Variants in CDK19 observed in about 807,000 individuals in gnomAD.
CDK19 encodes the protein cyclin dependent kinase 19.
In CDK19, 20 loss-of-function variants were observed where a neutral mutation model predicts 68.3. That is an observed-to-expected ratio of 0.29 (90% confidence interval 0.21 to 0.43). The LOEUF (loss-of-function observed/expected upper bound fraction) is 0.43, where lower values mean the gene tolerates loss of function less well. CDK19 is among the 20% of genes least tolerant of loss of function. CDK19 has a pLI of 1.00. For synonymous variants in CDK19, 221 were observed against 222.8 expected (o/e 0.99, Z 0.07); for missense variants, 339 against 623.5 (o/e 0.54, Z 4.86).
chr6:110,798,333 G>C (rs1782093264), intron 1 of CDK19, among the ~76,000 whole-genome samples: 1 of 152,050 alleles, frequency 6.6e-6, no homozygotes, highest in South Asian at 2.1e-4. Context: ...TTTGAAAAAA[G>C]AAACTTCCTG....
chr6:110,673,325 A>T (rs1562183154), intron 2 of CDK19, among the ~76,000 whole-genome samples: 1 of 152,132 alleles, frequency 6.6e-6, no homozygotes, highest in Non-Finnish European at 1.5e-5. Context: ...TGTATAGACC[A>T]TATTTCGTTT....
At chr6:110,623,889 ATG>A (rs777870163) in intron 8 of CDK19, among the ~76,000 whole-genome samples, 3 of 47,710 alleles carry the variant, frequency 6.3e-5, no homozygotes, top group East Asian at 6.7e-3. Flanking sequence ...GTATATATAT[ATG>A]TGTGTGTATA....
intron 1 of CDK19, among the ~76,000 whole-genome samples, chr6:110,801,872 G>A (rs1248375060): frequency 6.6e-6 from 1 of 152,040 alleles, no homozygotes; most frequent in Admixed American, 6.6e-5. Flanking sequence ...AGTGAGCGAA[G>A]GACATGAATG....
chr6:110,616,626 G>T (rs1296810074), intron 12 of CDK19, among the ~76,000 whole-genome samples: 1 of 150,516 alleles, frequency 6.6e-6, no homozygotes, highest in African/African-American at 2.4e-5. Flanking sequence ...CAAGATTGGC[G>T]CCACTGCACT....
At chr6:110,702,651 G>A (rs1774105864) in intron 2 of CDK19, among the ~76,000 whole-genome samples, 1 of 151,980 alleles carries the variant, frequency 6.6e-6, no homozygotes, top group Non-Finnish European at 1.5e-5. Flanking sequence ...TTTAAAAAAT[G>A]ACCTTTGACT....
chr6:110,815,200 T>G lies in CDK19; in HGVS notation c.-64A>C. The G allele has an allele frequency of 6.8e-6, 9 of 1,324,958 alleles. No individual in the cohort carries two copies. The highest frequency in any genetic ancestry group is 5.9e-6 in the Non-Finnish European group (6 of 1,018,798). The allele number at this position is 1,324,958 out of a possible 1,614,324, so 82.1% of individuals were successfully genotyped here. A position where few individuals can be genotyped will look rare whatever the true frequency, so the allele number is the denominator to read the frequency against. On this transcript the variant is annotated 5_prime_UTR_variant, in exon 1 of 13. Coordinates refer to ENST00000368911, the MANE Select transcript of CDK19 (RefSeq NM_015076.5). ...GCCGCCGCTCAGTCCCTCCTCCTCC[T>G]CCCCCCGCGACCGCCGCTCCACTTC...
Position 110,622,086 on chromosome 6 carries a change from A to G in CDK19, c.1110+2T>C. On this transcript the variant is annotated splice_donor_variant, in intron 11 of 12. Coordinates refer to ENST00000368911, the MANE Select transcript of CDK19 (RefSeq NM_015076.5). LOFTEE classifies it high-confidence loss of function. ...AGTGAAAGTATACCGTGCAGTTTAT[A>G]CCTTGTCACCTTTTTCTTCAGGATC... is the stretch of plus-strand genomic sequence containing the variant. The G allele has an allele frequency of 6.2e-7, 1 of 1,601,630 alleles. No individual in the cohort carries two copies. The highest frequency in any genetic ancestry group is 8.5e-7 in the Non-Finnish European group (1 of 1,169,742).
intron 2 of CDK19, among the ~76,000 whole-genome samples, chr6:110,739,772 A>G (rs943569956): frequency 6.6e-5 from 10 of 151,450 alleles, no homozygotes; most frequent in Non-Finnish European, 1.3e-4. Context: ...CTAGGACTAC[A>G]GGTGAGTGCC....
At chr6:110,658,552 C>A (rs1052171794) in intron 4 of CDK19, among the ~76,000 whole-genome samples, 2 of 152,174 alleles carry the variant, frequency 1.3e-5, no homozygotes, top group South Asian at 2.1e-4. Context: ...AGTAATATAT[C>A]ATTCAAGAAG....
At chr6:110,781,697 A>C (rs1442575149) in intron 1 of CDK19, among the ~76,000 whole-genome samples, 1 of 152,082 alleles carries the variant, frequency 6.6e-6, no homozygotes, top group Non-Finnish European at 1.5e-5. Flanking sequence ...TACAAAAATT[A>C]GCCAGGCGTG....
chr6:110,679,625 AT>A (rs1338762962), intron 2 of CDK19, among the ~76,000 whole-genome samples: 18 of 152,142 alleles, frequency 1.2e-4, no homozygotes, highest in African/African-American at 3.9e-4. Context: ...AACATAAAAA[AT>A]TTTTTTAAAA....
chr6:110,704,830 A>C (rs371483625), intron 2 of CDK19, among the ~76,000 whole-genome samples: 1 of 152,048 alleles, frequency 6.6e-6, no homozygotes, highest in South Asian at 2.1e-4. Context: ...TGAGAGGGAG[A>C]TGGAGGGAGG....
At chr6:110,675,258 G>A (rs1157826300) in intron 2 of CDK19, among the ~76,000 whole-genome samples, 1 of 152,186 alleles carries the variant, frequency 6.6e-6, no homozygotes, top group Non-Finnish European at 1.5e-5. Flanking sequence ...TATCTTACTA[G>A]GGTTTAACGC....
At chr6:110,623,878 CGT>C (rs1491445363) in intron 8 of CDK19, among the ~76,000 whole-genome samples, 6 of 78,266 alleles carry the variant, frequency 7.7e-5, no homozygotes, top group South Asian at 6.3e-4. Context: ...AGTATATATA[CGT>C]ATATATATAT....
chr6:110,700,792 C>A, intron 2 of CDK19: 1 of 197,866 alleles, frequency 5.1e-6, no homozygotes, highest in South Asian at 1.0e-4. Flanking sequence ...AGATGAGAAT[C>A]CAAAAGTGAC....
intron 3 of CDK19, 69 bp from the exon 4 acceptor site, chr6:110,667,643 G>T: frequency 2.6e-6 from 2 of 781,260 alleles, no homozygotes; most frequent in Non-Finnish European, 3.9e-6. Context: ...CACAATCAAT[G>T]CTGTAACAAA....
At chr6:110,723,016 A>AGCC (rs2114753193) in intron 2 of CDK19, among the ~76,000 whole-genome samples, 1 of 152,208 alleles carries the variant, frequency 6.6e-6, no homozygotes, top group African/African-American at 2.4e-5. Flanking sequence ...AGGCTCTTCC[A>AGCC]AAACCTTGTC....
intron 1 of CDK19, among the ~76,000 whole-genome samples, chr6:110,769,228 A>G: frequency 6.6e-6 from 1 of 151,074 alleles, no homozygotes; most frequent in East Asian, 2.0e-4. Flanking sequence ...ATACTGAATT[A>G]TTGATTTTAA....
intron 1 of CDK19, among the ~76,000 whole-genome samples, chr6:110,794,720 C>T (rs1164299831): frequency 6.6e-6 from 1 of 151,408 alleles, no homozygotes; most frequent in East Asian, 1.9e-4. Context: ...TTTTAAAATG[C>T]TTTTAACAAT....
Sources: allele counts gnomAD v4.1 joint callset (sites outside exome capture counted in the v4.1 genomes callset), GRCh38; gene constraint gnomAD v4.1.1; transcripts MANE v1.5; gene names NCBI Gene and HGNC (gene_info 2026-07-23, HGNC 2026-07-21).